TCF4: variants seen among roughly 807,000 people sequenced by gnomAD.
TCF4 encodes the protein transcription factor 4, also known as SL3-3 enhancer factor 2.
TCF4 carries 3 observed loss-of-function variants against 82.1 expected under a neutral mutation model. The ratio of observed to expected loss-of-function variants is 0.04; its 90% CI spans 0.02 to 0.09. The LOEUF (loss-of-function observed/expected upper bound fraction) is 0.09. Ranked by LOEUF, TCF4 falls within the 10% of genes least tolerant of loss-of-function variation. The probability of loss-of-function intolerance (pLI) is 1.00; values close to 1 mark genes in which losing one functional copy is unlikely to be tolerated. For synonymous variants in TCF4, 276 were observed against 309.6 expected (o/e 0.89, Z 1.14); for missense variants, 518 against 852.7 (o/e 0.61, Z 4.89).
intron 1 of TCF4, among the ~76,000 whole-genome samples, chr18:55,634,573 G>T (rs889439176): frequency 6.6e-6 from 1 of 152,124 alleles, no homozygotes; most frequent in African/African-American, 2.4e-5. Flanking sequence ...TGGTCAGAAA[G>T]ATAGTTTGGG....
intron 3 of TCF4, among the ~76,000 whole-genome samples, chr18:55,506,234 T>G (rs1361805781): frequency 6.6e-6 from 1 of 152,140 alleles, no homozygotes; most frequent in Non-Finnish European, 1.5e-5. Flanking sequence ...AGCAGCAGTT[T>G]CTCTCTGGTT....
intron 6 of TCF4, among the ~76,000 whole-genome samples, chr18:55,359,299 T>A (rs1176907978): frequency 6.6e-6 from 1 of 152,242 alleles, no homozygotes; most frequent in African/African-American, 2.4e-5. Context: ...TGTTTATTAT[T>A]ATTTCTTTTC....
At chr18:55,389,830 C>A (rs1462270646) in intron 6 of TCF4, among the ~76,000 whole-genome samples, 1 of 151,918 alleles carries the variant, frequency 6.6e-6, no homozygotes, top group Admixed American at 6.6e-5. Flanking sequence ...CGGGCAGCCA[C>A]GGTGGTGACT....
chr18:55,261,553 A>G lies in TCF4; in HGVS notation c.923-20T>C, dbSNP rs1291124497. Reference sequence around the variant, plus strand: ...TATTTGCTGCAAAAACAAAAGGCAGAATATGAAAACCAGGCAGTGAGACGT... The same window carrying G: ...TATTTGCTGCAAAAACAAAAGGCAGGATATGAAAACCAGGCAGTGAGACGT... On this transcript the variant is annotated intron_variant, in intron 11 of 19. Transcript: ENST00000354452. 6.2e-7 allele frequency: 1 copy of G among 1,613,898 alleles called. No homozygotes were observed. Among genetic ancestry groups the G allele is most frequent in the Non-Finnish European group, 8.5e-7 (1 of 1,179,808 alleles).
intron 4 of TCF4, 124 bp downstream of exon 4, chr18:55,463,946 CTCTGTG>C (rs759946271): frequency 1.6e-6 from 1 of 628,198 alleles, no homozygotes; most frequent in Non-Finnish European, 2.6e-6. Flanking sequence ...ATGCCCATGC[CTCTGTG>C]TGTGTGTGTG....
At chr18:55,365,197 G>A (rs1447770848) in intron 6 of TCF4, among the ~76,000 whole-genome samples, 4 of 115,204 alleles carry the variant, frequency 3.5e-5, no homozygotes, top group African/African-American at 1.1e-4. Context: ...ATATATGTGT[G>A]TGTGTGTGTG....
upstream of TCF4, chr18:55,589,764 GAT>G: frequency 9.8e-7 from 1 of 1,015,272 alleles, no homozygotes; most frequent in South Asian, 4.6e-5. Flanking sequence ...TTCCCTGAAA[GAT>G]ACATTGTAAT....
At chr18:55,253,000 T>C (rs1303633468) in intron 15 of TCF4, among the ~76,000 whole-genome samples, 2 of 152,176 alleles carry the variant, frequency 1.3e-5, no homozygotes, top group Non-Finnish European at 2.9e-5. Flanking sequence ...CATGAACATA[T>C]AAACAATTTT....
At chr18:55,558,352 T>C (rs529837579) in intron 3 of TCF4, among the ~76,000 whole-genome samples, 1 of 152,322 alleles carries the variant, frequency 6.6e-6, no homozygotes, top group South Asian at 2.1e-4. Flanking sequence ...AAAATCATCA[T>C]AAATCCAGCA....
chr18:55,270,419 T>C (rs2060101825), intron 10 of TCF4, among the ~76,000 whole-genome samples: 1 of 152,152 alleles, frequency 6.6e-6, no homozygotes, highest in African/African-American at 2.4e-5. Flanking sequence ...TGGCAAAGAC[T>C]AACCAGTCTC....
Position 55,429,977 on chromosome 18 carries a change from G to A in TCF4, c.305-26459C>T, listed in dbSNP as rs200002086. ...CTTGGAGTGAGGACCTCTGTGATTG[G>A]AATTCCTCTTTTTGCATATGGACGA... is the stretch of plus-strand genomic sequence containing the variant. On this transcript the variant is annotated intron_variant, in intron 5 of 19. Transcript: ENST00000354452. Among the ~76,000 whole-genome samples the A allele has an allele frequency of 3.3e-5, 5 of 151,924 alleles. No homozygotes were observed. In the East Asian group the frequency reaches 9.7e-4, roughly 29 times the overall value.
chr18:55,550,345 T>C (rs1190411288), intron 3 of TCF4: 1 of 152,242 alleles, frequency 6.6e-6, no homozygotes, highest in Non-Finnish European at 1.5e-5. Context: ...GACTTTATAT[T>C]ACATTTAGTA....
intron 3 of TCF4, chr18:55,510,818 G>A: frequency 1.8e-6 from 2 of 1,117,406 alleles, no homozygotes; most frequent in Non-Finnish European, 2.2e-6. Context: ...AGTAGAAGGG[G>A]AAATGATACT....
At chr18:55,607,292 G>A (rs2097703050) in intron 2 of TCF4, among the ~76,000 whole-genome samples, 1 of 152,168 alleles carries the variant, frequency 6.6e-6, no homozygotes, top group African/African-American at 2.4e-5. Flanking sequence ...ATAAAAATGT[G>A]TTGTTCTTAA....
intron 2 of TCF4, among the ~76,000 whole-genome samples, chr18:55,600,775 C>G (rs2097695996): frequency 6.6e-6 from 1 of 152,170 alleles, no homozygotes. Context: ...TTCAACCAGC[C>G]ACAGATCAAA....
In TCF4 at chr18:55,228,213, A is replaced by C. The variant is rs1479054599; in HGVS notation, c.*4+8T>G. 1 of 1,614,058 alleles carries C rather than the reference A, an allele frequency of 6.2e-7. No homozygotes were observed. The highest frequency in any genetic ancestry group is 8.5e-7 in the Non-Finnish European group (1 of 1,180,026). On this transcript the variant is annotated splice_region_variant and intron_variant, in intron 19 of 19. Coordinates refer to ENST00000354452, the MANE Select transcript of TCF4 (RefSeq NM_001083962.2). ...ATCGATCTCAGAAATGGCTGAAAACAAACTTGCCCTTTTACATCTGTCCCA... is the reference window on the plus strand; with the variant it reads ...ATCGATCTCAGAAATGGCTGAAAACCAACTTGCCCTTTTACATCTGTCCCA...
At chr18:55,321,576 C>G in intron 8 of TCF4, 2 of 1,523,554 alleles carry the variant, frequency 1.3e-6, no homozygotes, top group South Asian at 2.4e-5. Context: ...GGCAGTCCTG[C>G]ACAACTTTGC....
chr18:55,346,059 G>T (rs1035090788), intron 8 of TCF4, among the ~76,000 whole-genome samples: 1 of 151,928 alleles, frequency 6.6e-6, no homozygotes, highest in Non-Finnish European at 1.5e-5. Context: ...CTCAAGATAT[G>T]GATTCAACAT....
In TCF4 at chr18:55,466,723, A is replaced by C. The variant is rs532829206; in HGVS notation, c.146-2586T>G. On this transcript the variant is annotated intron_variant, in intron 3 of 19. Transcript: ENST00000354452. ...AGACCTTCATATACATCTTCTGTCCACAGAAAAAAGGAAAAGTAATGGTCA... is the reference window on the plus strand; with the variant it reads ...AGACCTTCATATACATCTTCTGTCCCCAGAAAAAAGGAAAAGTAATGGTCA... Among the ~76,000 whole-genome samples the C allele has an allele frequency of 3.3e-5, 5 of 152,318 alleles. No homozygotes were observed. The East Asian group carries it at 9.6e-4, about 29-fold the overall frequency.
Sources: allele counts gnomAD v4.1 joint callset (sites outside exome capture counted in the v4.1 genomes callset), GRCh38; gene constraint gnomAD v4.1.1; transcripts MANE v1.5; gene names NCBI Gene and HGNC (gene_info 2026-07-23, HGNC 2026-07-21).